Variants in SCAF8 observed in about 807,000 individuals in gnomAD.
SCAF8 encodes SR-related and CTD-associated factor 8.
Under a neutral mutation model 140.5 loss-of-function variants are expected in SCAF8, and 23 were observed. The observed-to-expected ratio is 0.16, with a 90% CI of 0.12 to 0.23. The LOEUF (loss-of-function observed/expected upper bound fraction) is 0.23, where lower values mean the gene tolerates loss of function less well. Among genes scored for constraint, SCAF8 ranks in the 10% least tolerant of loss-of-function variants. The pLI is 1.00. For synonymous variants in SCAF8, 575 were observed against 528.9 expected, an observed-to-expected ratio of 1.09 and a Z score of -1.20; for missense variants, 1,397 against 1,555.7, an observed-to-expected ratio of 0.90 and a Z score of 1.72.
chr6:154,822,636 A>G (rs754830714), intron 16 of SCAF8, among the ~76,000 whole-genome samples: 7 of 152,194 alleles, frequency 4.6e-5, no homozygotes, highest in Non-Finnish European at 8.8e-5. Flanking sequence ...AAATATGGAA[A>G]TATTGTTTCT....
At chr6:154,758,485 C>T (rs1459746119) in intron 1 of SCAF8, among the ~76,000 whole-genome samples, 1 of 152,144 alleles carries the variant, frequency 6.6e-6, no homozygotes, top group Non-Finnish European at 1.5e-5. Flanking sequence ...TGCTGTGCTT[C>T]TTTGGGTCTG....
At position 154,832,392 on chromosome 6, in the gene SCAF8, G is replaced by A. The variant is rs1209819081; in HGVS notation, c.2813G>A (p.Arg938Lys). 6.2e-7 allele frequency: 1 copy of A among 1,613,970 alleles called. No homozygotes were observed. The highest frequency in any genetic ancestry group is 8.5e-7 in the Non-Finnish European group (1 of 1,180,024). ...CTAATACCACAGGCACCTGGGCCAAGATTCCCTTTAATACAGCCTGGAATT... is the reference window on the plus strand; with the variant it reads ...CTAATACCACAGGCACCTGGGCCAAAATTCCCTTTAATACAGCCTGGAATT... ...PGLIPQAPGPRFPLIQPGIPP... is the reference protein window; with the variant it reads ...PGLIPQAPGPKFPLIQPGIPP... The change falls in exon 20 of 20, where the codon AGA becomes AAA. Residue 938 changes from arginine to lysine, a missense_variant. Transcript: ENST00000367178.
intron 3 of SCAF8, among the ~76,000 whole-genome samples, chr6:154,784,273 A>C (rs1777186031): frequency 6.6e-6 from 1 of 151,550 alleles, no homozygotes; most frequent in South Asian, 2.1e-4. Flanking sequence ...GGGCACAAAT[A>C]GTTTGAAAGG....
chr6:154,753,479 T>A (rs1473335015), intron 1 of SCAF8, among the ~76,000 whole-genome samples: 5 of 133,810 alleles, frequency 3.7e-5, no homozygotes, highest in Non-Finnish European at 6.4e-5. Flanking sequence ...AAAAATAAAT[T>A]AAAAAAAAAA....
intron 4 of SCAF8, among the ~76,000 whole-genome samples, chr6:154,790,151 C>T (rs533177520): frequency 5.3e-5 from 8 of 152,114 alleles, no homozygotes; most frequent in East Asian, 3.9e-4. Flanking sequence ...TGAAGGACAT[C>T]GTATGTAGAT....
intron 18 of SCAF8, 72 bp from the exon 19 acceptor site, chr6:154,830,846 TACTC>T (rs1778709530): frequency 2.8e-6 from 3 of 1,058,764 alleles, no homozygotes; most frequent in Non-Finnish European, 4.3e-6. Flanking sequence ...TTAAATTAAA[TACTC>T]AGACTGCCAG....
chr6:154,787,771 T>A lies in SCAF8; in HGVS notation c.160-90T>A, dbSNP rs1232192416. On this transcript the variant is annotated intron_variant, in intron 3 of 19. Coordinates refer to ENST00000367178, the MANE Select transcript of SCAF8 (RefSeq NM_014892.5). ...ATTACCATAGCATAGGCAATGTCTT[T>A]GTATTTACACAGGATTTTTGATGAT... is the stretch of plus-strand genomic sequence containing the variant. 3 of 1,052,118 alleles carry A rather than the reference T, an allele frequency of 2.9e-6. No individual in the cohort carries two copies. The African/African-American group carries it at 4.8e-5, about 17-fold the overall frequency. The allele number at this position is 1,052,118 out of a possible 1,614,324, so 65.2% of individuals were successfully genotyped here. A position where few individuals can be genotyped will look rare whatever the true frequency, so the allele number is the denominator to read the frequency against.
At chr6:154,794,293 A>G (rs1583041394) in intron 5 of SCAF8, among the ~76,000 whole-genome samples, 1 of 152,050 alleles carries the variant, frequency 6.6e-6, no homozygotes, top group Non-Finnish European at 1.5e-5. Context: ...TGTATTTTGA[A>G]TATTTCCTCA....
At chr6:154,758,289 T>C (rs1554258234) in intron 1 of SCAF8, among the ~76,000 whole-genome samples, 1 of 152,186 alleles carries the variant, frequency 6.6e-6, no homozygotes, top group Non-Finnish European at 1.5e-5. Context: ...GGATGTTGAT[T>C]TTTGTTTATC....
chr6:154,787,599 C>T (rs1212505612), intron 3 of SCAF8, among the ~76,000 whole-genome samples: 1 of 152,048 alleles, frequency 6.6e-6, no homozygotes, highest in Non-Finnish European at 1.5e-5. Context: ...TATAATGGTA[C>T]CTTATTTATC....
chr6:154,810,278 C>A, intron 12 of SCAF8, 70 bp downstream of exon 12: 1 of 1,143,738 alleles, frequency 8.7e-7, no homozygotes, highest in Non-Finnish European at 1.2e-6. Context: ...GCTACAAAGT[C>A]TCTCAGCCAA....
intron 5 of SCAF8, 83 bp downstream of exon 5, chr6:154,793,059 C>A: frequency 2.6e-6 from 3 of 1,134,002 alleles, no homozygotes; most frequent in Non-Finnish European, 3.6e-6. Flanking sequence ...AATAATTCGA[C>A]AGTGCAGGAA....
At chr6:154,809,060 A>G (rs1727846637) in intron 11 of SCAF8, among the ~76,000 whole-genome samples, 1 of 152,204 alleles carries the variant, frequency 6.6e-6, no homozygotes, top group African/African-American at 2.4e-5. Context: ...TTTAGTTAAT[A>G]TTATGATGAC....
chr6:154,810,492 T>TA (rs112300624), intron 12 of SCAF8, among the ~76,000 whole-genome samples: 2,250 of 152,284 alleles, frequency 0.015, 55 homozygotes, highest in African/African-American at 0.051. Context: ...CTGGTATCTG[T>TA]AGCATGGACA....
chr6:154,733,553 A>C lies in SCAF8; in HGVS notation c.-348A>C, dbSNP rs1237086264. ...AGGGGCAGAAGGGAGTGGAGAGTGT[A>C]GGGGAAGGGGCTAGAGGGAGGGGGA... is the stretch of plus-strand genomic sequence containing the variant. On this transcript the variant is annotated 5_prime_UTR_variant, in exon 1 of 20. An upstream open reading frame in the 5' UTR loses its in-frame stop. Transcript: ENST00000367178. 7.8e-7 allele frequency: 1 copy of C among 1,286,358 alleles called. No homozygotes were observed. The highest frequency in any genetic ancestry group is 9.8e-7 in the Non-Finnish European group (1 of 1,018,164). 79.7% of individuals were successfully genotyped at this position (1,286,358 alleles called of 1,614,324 possible).
intron 7 of SCAF8, among the ~76,000 whole-genome samples, chr6:154,802,456 T>C (rs1461234249): frequency 6.6e-6 from 1 of 152,008 alleles, no homozygotes; most frequent in Non-Finnish European, 1.5e-5. Flanking sequence ...ACCCCATCTC[T>C]ATTAAAAATA....
At chr6:154,771,161 A>C (rs1374388811) in intron 1 of SCAF8, among the ~76,000 whole-genome samples, 1 of 152,268 alleles carries the variant, frequency 6.6e-6, no homozygotes, top group Non-Finnish European at 1.5e-5. Flanking sequence ...TTAGTTAAAT[A>C]ATCATACAAG....
intron 4 of SCAF8, among the ~76,000 whole-genome samples, chr6:154,791,266 T>G (rs1424214822): frequency 6.6e-6 from 1 of 152,252 alleles, no homozygotes; most frequent in Non-Finnish European, 1.5e-5. Flanking sequence ...CTGCTAATTA[T>G]GTTACTAGAT....
intron 6 of SCAF8, among the ~76,000 whole-genome samples, chr6:154,801,472 A>G (rs1339009748): frequency 6.6e-6 from 1 of 151,462 alleles, no homozygotes; most frequent in African/African-American, 2.4e-5. Flanking sequence ...GGGTGGGTAC[A>G]TGGTGGGAAC....
Sources: allele counts gnomAD v4.1 joint callset (sites outside exome capture counted in the v4.1 genomes callset), GRCh38; gene constraint gnomAD v4.1.1; transcripts MANE v1.5; gene names NCBI Gene and HGNC (gene_info 2026-07-23, HGNC 2026-07-21).